Variants in FGL1 observed in about 807,000 individuals in gnomAD.
The protein encoded by FGL1 is fibrinogen-like protein 1.
Under a neutral mutation model 43.7 loss-of-function variants are expected in FGL1, and 59 were observed. The observed-to-expected ratio is 1.35, with a 90% CI of 1.10 to 1.68. FGL1 has a LOEUF of 1.68. FGL1 is among the 40% of genes most tolerant of loss of function. FGL1 has a pLI of 0.00. For synonymous variants in FGL1, 192 were observed against 126.5 expected, an observed-to-expected ratio of 1.52 and a Z score of -3.48; for missense variants, 596 against 373.0, an observed-to-expected ratio of 1.60 and a Z score of -4.92.
chr8:17,874,632 G>A, intron 3 of FGL1, 111 bp from the exon 4 acceptor site: 1 of 671,136 alleles, frequency 1.5e-6, no homozygotes, highest in Admixed American at 3.2e-5. Flanking sequence ...ATAACACATG[G>A]TATAGAAATC....
chr8:17,883,077 TATAATATATATCATATGTAATATATTAA>T (rs1563457964), intron 2 of FGL1, among the ~76,000 whole-genome samples: 1,976 of 76,198 alleles, frequency 0.026, 7 homozygotes, highest in Middle Eastern at 0.067. Flanking sequence ...ATATTAAATA[TATAATATATATCATATGTAATATATTAA>T]ATAATATATA....
At chr8:17,893,392 C>A (rs1040357769) in intron 1 of FGL1, among the ~76,000 whole-genome samples, 7 of 150,460 alleles carry the variant, frequency 4.7e-5, no homozygotes, top group Non-Finnish European at 7.4e-5. Flanking sequence ...ATGAACATAA[C>A]ATTATTATAC....
intron 3 of FGL1, among the ~76,000 whole-genome samples, chr8:17,878,975 T>G (rs902051263): frequency 6.6e-6 from 1 of 150,870 alleles, no homozygotes; most frequent in Non-Finnish European, 1.5e-5. Flanking sequence ...CTGTTCTTAG[T>G]AGCCTCTCCA....
intron 1 of FGL1, among the ~76,000 whole-genome samples, chr8:17,892,695 CT>C (rs1183737554): frequency 2.0e-5 from 3 of 152,098 alleles, no homozygotes; most frequent in South Asian, 2.1e-4. Flanking sequence ...ATAATGTCCT[CT>C]TTTTTTATGT....
At chr8:17,873,417 C>A (rs1563450440) in intron 5 of FGL1, among the ~76,000 whole-genome samples, 2 of 152,094 alleles carry the variant, frequency 1.3e-5, no homozygotes, top group Admixed American at 6.6e-5. Context: ...TGATGGCAGA[C>A]TCATAAGCAA....
At chr8:17,867,448 T>A (rs891403046) in intron 7 of FGL1, among the ~76,000 whole-genome samples, 1 of 152,196 alleles carries the variant, frequency 6.6e-6, no homozygotes, top group African/African-American at 2.4e-5. Context: ...AGTTCTCTGT[T>A]TTTTCCTATA....
intron 3 of FGL1, among the ~76,000 whole-genome samples, chr8:17,879,905 A>G (rs1452751544): frequency 1.3e-5 from 2 of 152,264 alleles, no homozygotes; most frequent in African/African-American, 4.8e-5. Flanking sequence ...TAACCTGCTC[A>G]GAATGTGTTC....
intron 1 of FGL1, among the ~76,000 whole-genome samples, chr8:17,892,955 G>T (rs140731385): frequency 2.0e-5 from 3 of 152,202 alleles, no homozygotes; most frequent in Middle Eastern, 3.4e-3. Context: ...ATCCCAGCAC[G>T]TTGAGAGGCT....
chr8:17,895,439 T>G lies in FGL1; in HGVS notation c.-18+8A>C. 1 of 1,283,362 alleles carries G rather than the reference T, an allele frequency of 7.8e-7. No individual in the cohort carries two copies. The highest frequency in any genetic ancestry group is 1.0e-6 in the Non-Finnish European group (1 of 984,262). 79.5% of individuals were successfully genotyped at this position (1,283,362 alleles called of 1,614,324 possible). On this transcript the variant is annotated splice_region_variant and intron_variant, in intron 1 of 7. Coordinates refer to ENST00000427924, the MANE Select transcript of FGL1 (RefSeq NM_004467.4). ...ATGTCAAAAATGCAGAGACATTAAA[T>G]AACTTGCCTAAAGTCAGAAGTGAGT...
intron 1 of FGL1, chr8:17,891,333 T>C (rs1325963889): frequency 6.6e-6 from 1 of 152,220 alleles, no homozygotes; most frequent in Admixed American, 6.5e-5. Flanking sequence ...AAATCCTTTC[T>C]GGACTCTTCT....
rs553325093 is a variant in FGL1 at position 17,884,762 on chromosome 8, A to G, written c.63+730T>C. Among the ~76,000 whole-genome samples the G allele has an allele frequency of 7.2e-4, 110 of 152,326 alleles. 3 individuals carry two copies. The South Asian group carries it at 0.022, about 31-fold the overall frequency. On this transcript the variant is annotated intron_variant, in intron 2 of 7. Transcript: ENST00000427924. ...CCAATCTTTATGAGATTGCATACGC[A>G]TATTTAGTAAGCTTATTTAAAACCT...
At chr8:17,888,630 G>T (rs1206252718) in intron 1 of FGL1, among the ~76,000 whole-genome samples, 3 of 151,912 alleles carry the variant, frequency 2.0e-5, no homozygotes, top group Non-Finnish European at 2.9e-5. Context: ...TTTGTCTGAG[G>T]GTCCTTGGGA....
intron 1 of FGL1, among the ~76,000 whole-genome samples, chr8:17,889,786 T>C (rs1298243976): frequency 6.6e-6 from 1 of 152,256 alleles, no homozygotes; most frequent in Non-Finnish European, 1.5e-5. Context: ...AAATGGCAGA[T>C]GTTTGAACAT....
chr8:17,875,859 G>A (rs370723445), intron 3 of FGL1, among the ~76,000 whole-genome samples: 7 of 151,956 alleles, frequency 4.6e-5, no homozygotes, highest in East Asian at 3.9e-4. Context: ...CGCCCGCCTC[G>A]GCCTCCAAAG....
intron 5 of FGL1, 59 bp downstream of exon 5, chr8:17,873,960 A>G: frequency 7.5e-7 from 1 of 1,335,100 alleles, no homozygotes; most frequent in South Asian, 1.5e-5. Flanking sequence ...TGGTTAAAAA[A>G]AAATTTTAGT....
intron 7 of FGL1, among the ~76,000 whole-genome samples, chr8:17,865,459 A>G (rs1053941140): frequency 1.3e-5 from 2 of 152,204 alleles, no homozygotes; most frequent in Non-Finnish European, 2.9e-5. Context: ...CCTATCAGTT[A>G]TTTCAATCTC....
At chr8:17,870,743 TA>T in intron 5 of FGL1, among the ~76,000 whole-genome samples, 1 of 152,012 alleles carries the variant, frequency 6.6e-6, no homozygotes, top group South Asian at 2.1e-4. Context: ...CTGTCTCTAT[TA>T]AAAATACAAA....
chr8:17,883,591 A>G (rs2053583027), intron 2 of FGL1, among the ~76,000 whole-genome samples: 1 of 141,790 alleles, frequency 7.1e-6, no homozygotes, highest in Non-Finnish European at 1.5e-5. Context: ...ATATACGTAT[A>G]TATAAAATTA....
At chr8:17,895,388 T>G in intron 1 of FGL1, 59 bp downstream of exon 1, 1 of 1,275,860 alleles carries the variant, frequency 7.8e-7, no homozygotes, top group Middle Eastern at 2.2e-4. Context: ...ATCATACCTG[T>G]GAAATAAATT....
Sources: allele counts gnomAD v4.1 joint callset (sites outside exome capture counted in the v4.1 genomes callset), GRCh38; gene constraint gnomAD v4.1.1; transcripts MANE v1.5; gene names NCBI Gene and HGNC (gene_info 2026-07-23, HGNC 2026-07-21).